The following CEP295 variants were observed in gnomAD, a reference collection of about 807,000 sequenced individuals.
The protein encoded by CEP295 is centrosomal protein of 295 kDa.
Under a neutral mutation model 291.6 loss-of-function variants are expected in CEP295, and 190 were observed. The ratio of observed to expected loss-of-function variants is 0.65; its 90% CI spans 0.58 to 0.73. The LOEUF (loss-of-function observed/expected upper bound fraction) is 0.73, where lower values mean the gene tolerates loss of function less well. Ranked by LOEUF, CEP295 falls within the 30% of genes least tolerant of loss-of-function variation. The pLI, the probability that CEP295 is intolerant of heterozygous loss-of-function variation, is 0.00. For synonymous variants in CEP295, 993 were observed against 1,038.8 expected (o/e 0.96, Z 0.85); for missense variants, 2,863 against 2,949.4 (o/e 0.97, Z 0.68).
rs1441621143 is a variant in CEP295 at position 93,727,440 on chromosome 11, C to T, written c.6964C>T (p.Arg2322Ter). 7.1e-6 allele frequency: 11 copies of T among 1,551,668 alleles called. No individual in the cohort carries two copies. Among genetic ancestry groups the T allele is most frequent in the African/African-American group, 1.4e-5 (1 of 73,020 alleles). ...INPQVEETDS[R>*]LCVRTVEMGT... The stretch of plus-strand genomic sequence containing the variant: ...TCCACAGGTAGAGGAAACTGACTCT[C>T]GATTATGTGTAAGAACAGTGGAGAT... The change falls in exon 24 of 30, where the codon CGA becomes TGA. Residue 2322 changes from arginine to a stop codon, truncating the protein, a stop_gained. Coordinates refer to ENST00000325212, the MANE Select transcript of CEP295 (RefSeq NM_033395.2). LOFTEE classifies it high-confidence loss of function.
chr11:93,669,898 G>A, intron 5 of CEP295, 128 bp downstream of exon 5: 1 of 598,586 alleles, frequency 1.7e-6, no homozygotes, highest in Non-Finnish European at 3.0e-6. Flanking sequence ...AACTTGTACA[G>A]GAGTATATCT....
In CEP295 at chr11:93,699,001, A is replaced by G. The variant is rs1472062082; in HGVS notation, c.4089A>G (p.Glu1363=). ...ALQEQLATQR[E]AIILARQEAR... ...AAGAACAGTTAGCTACACAGAGAGA[A>G]GCCATCATTCTAGCTAGACAAGAAG... The change falls in exon 15 of 30, where the codon GAA becomes GAG. Residue 1363 remains glutamate, a synonymous_variant. Transcript: ENST00000325212. 6.5e-7 allele frequency: 1 copy of G among 1,549,174 alleles called. No homozygotes were observed. Among genetic ancestry groups the G allele is most frequent in the Non-Finnish European group, 8.7e-7 (1 of 1,147,030 alleles).
In CEP295 at chr11:93,667,807, T is replaced by G. The variant is rs772012432; in HGVS notation, c.309T>G (p.Asn103Lys). 6.5e-7 allele frequency: 1 copy of G among 1,543,028 alleles called. No homozygotes were observed. Among genetic ancestry groups the G allele is most frequent in the African/African-American group, 1.4e-5 (1 of 72,678 alleles). ...AGGGACATCGACAGGCCAAAGAAAA[T>G]GTGAGTGAGATCTTATTTGACTACC... Reference protein sequence around the residue: ...MGEGHRQAKENEPDLDALAQR... With the variant: ...MGEGHRQAKEKEPDLDALAQR... Residue 103 changes from asparagine (N) to lysine (K), a missense_variant and splice_region_variant, in exon 3 of 30, where the codon AAT becomes AAG. Physicochemically the swap from Asn to Lys is moderately conservative, Grantham distance 94. Transcript: ENST00000325212.
intron 22 of CEP295, 136 bp from the exon 23 acceptor site, chr11:93,725,514 GA>G: frequency 1.4e-6 from 1 of 717,260 alleles, no homozygotes; most frequent in Non-Finnish European, 2.2e-6. Flanking sequence ...AAAAGAACTG[GA>G]TTTGAAAAAG....
At position 93,699,797 on chromosome 11, in the gene CEP295, CAAAG is replaced by C. The variant is rs768227851; in HGVS notation, c.4890_4893del (p.Arg1630SerfsTer2). ...CCAGGAAGAACTGTCTTTAAACAAA[CAAAG>C]AAAGTTGAACAAAAGTGAATCTGCT... On this transcript the variant is annotated frameshift_variant, in exon 15 of 30. Coordinates refer to ENST00000325212, the MANE Select transcript of CEP295 (RefSeq NM_033395.2). LOFTEE classifies it high-confidence loss of function. 2.3e-5 allele frequency: 35 copies of C among 1,552,174 alleles called. No individual in the cohort carries two copies. The highest frequency in any genetic ancestry group is 1.1e-4 in the South Asian group (9 of 84,064).
intron 25 of CEP295, chr11:93,729,031 G>C (rs1439375963): frequency 1.9e-6 from 1 of 534,936 alleles, no homozygotes; most frequent in East Asian, 3.0e-5. Flanking sequence ...ATTTATGCCT[G>C]TCTCCAAGAC....
intron 1 of CEP295, among the ~76,000 whole-genome samples, chr11:93,664,183 A>G (rs1445060488): frequency 1.3e-5 from 2 of 151,862 alleles, no homozygotes; most frequent in African/African-American, 4.9e-5. Flanking sequence ...AGACAAAATA[A>G]TAAAGATACA....
chr11:93,707,258 T>G (rs907436523), intron 18 of CEP295, among the ~76,000 whole-genome samples: 1 of 152,210 alleles, frequency 6.6e-6, no homozygotes, highest in African/African-American at 2.4e-5. Context: ...TTATGTTTAT[T>G]TTTAAATATT....
At chr11:93,728,136 C>G (rs1937630233) in intron 24 of CEP295, 1 of 155,156 alleles carries the variant, frequency 6.4e-6, no homozygotes, top group African/African-American at 2.4e-5. Context: ...GCTTTCAACA[C>G]CAGTCAACTG....
intron 18 of CEP295, among the ~76,000 whole-genome samples, chr11:93,719,869 T>C (rs1182408397): frequency 1.3e-5 from 2 of 152,204 alleles, no homozygotes; most frequent in Non-Finnish European, 2.9e-5. Context: ...AGCCATAGAC[T>C]ACAATATGTC....
intron 20 of CEP295, 101 bp from the exon 21 acceptor site, chr11:93,722,940 C>T (rs1953853609): frequency 1.2e-6 from 1 of 852,710 alleles, no homozygotes; most frequent in South Asian, 1.9e-5. Context: ...CATCTCTTGA[C>T]CTCGTGATCC....
intron 7 of CEP295, 144 bp from the exon 8 acceptor site, chr11:93,683,415 A>T: frequency 1.6e-6 from 1 of 611,276 alleles, no homozygotes. Context: ...TGAATGAATA[A>T]ATGTCTGTCT....
chr11:93,702,996 C>T, intron 17 of CEP295, 77 bp downstream of exon 17: 1 of 1,192,680 alleles, frequency 8.4e-7, no homozygotes, highest in Non-Finnish European at 1.2e-6. Context: ...TGGAGCCTTG[C>T]TCTGTTGCCC....
intron 5 of CEP295, among the ~76,000 whole-genome samples, chr11:93,670,483 G>A (rs1950389100): frequency 6.6e-6 from 1 of 152,148 alleles, no homozygotes; most frequent in Non-Finnish European, 1.5e-5. Context: ...CTATTTGGAT[G>A]ATTGTCAAAA....
rs1014702849 is a variant in CEP295 at position 93,722,980 on chromosome 11, T to G, written c.5948-61T>G. 3 of 1,418,490 alleles carry G rather than the reference T, an allele frequency of 2.1e-6. No homozygotes were observed. The African/African-American group carries it at 4.3e-5, about 20-fold the overall frequency. The allele number at this position is 1,418,490 out of a possible 1,614,324, so 87.9% of individuals were successfully genotyped here. On this transcript the variant is annotated intron_variant, in intron 20 of 29. Coordinates refer to ENST00000325212, the MANE Select transcript of CEP295 (RefSeq NM_033395.2). ...ACCTCGGCCTCCCAAAGTGCTGGTA[T>G]TACAGGCGTGAGCCATCACGCCTGG...
intron 10 of CEP295, among the ~76,000 whole-genome samples, chr11:93,688,227 A>T (rs1951342643): frequency 6.6e-6 from 1 of 152,224 alleles, no homozygotes; most frequent in South Asian, 2.1e-4. Context: ...TTTAAAGAAT[A>T]ACTCCTGATC....
In CEP295 at chr11:93,706,910, T is replaced by C; in HGVS notation, c.5749+13T>C. Reference sequence around the variant, plus strand: ...TATGATGAAGCAGGTGAGAAATAAATGGAAAGTGGAATTGTATGCACAAGG... The same window carrying C: ...TATGATGAAGCAGGTGAGAAATAAACGGAAAGTGGAATTGTATGCACAAGG... On this transcript the variant is annotated intron_variant, in intron 18 of 29. Coordinates refer to ENST00000325212, the MANE Select transcript of CEP295 (RefSeq NM_033395.2). 1 of 1,523,696 alleles carries C rather than the reference T, an allele frequency of 6.6e-7. No homozygotes were observed. The highest frequency in any genetic ancestry group is 8.8e-7 in the Non-Finnish European group (1 of 1,131,008). 94.4% of individuals were successfully genotyped at this position (1,523,696 alleles called of 1,614,324 possible).
chr11:93,684,198 G>C, intron 9 of CEP295, 70 bp downstream of exon 9: 1 of 1,394,344 alleles, frequency 7.2e-7, no homozygotes, highest in South Asian at 1.4e-5. Context: ...TTAGCCAGCA[G>C]TTAGGAAAAT....
Position 93,697,975 on chromosome 11 carries a change from T to C in CEP295, c.3063T>C (p.His1021=), listed in dbSNP as rs370581637. The change falls in exon 15 of 30, where the codon CAT becomes CAC. Residue 1021 remains histidine (H), a synonymous_variant. Coordinates refer to ENST00000325212, the MANE Select transcript of CEP295 (RefSeq NM_033395.2). ...DTKSGKIQEQ[H]SSKSEKGLVS... is the part of the protein sequence containing the mutation. Reference sequence around the variant, plus strand: ...AATCTGGAAAAATACAGGAGCAACATTCATCTAAGAGCGAGAAAGGACTTG... The same window carrying C: ...AATCTGGAAAAATACAGGAGCAACACTCATCTAAGAGCGAGAAAGGACTTG... 97 of 1,551,660 alleles carry C rather than the reference T, an allele frequency of 6.3e-5. No homozygotes were observed. In the African/African-American group the frequency reaches 1.2e-3, roughly 20 times the overall value.
Sources: allele counts gnomAD v4.1 joint callset (sites outside exome capture counted in the v4.1 genomes callset), GRCh38; gene constraint gnomAD v4.1.1; transcripts MANE v1.5; gene names NCBI Gene and HGNC (gene_info 2026-07-23, HGNC 2026-07-21).